CTNND2: variants seen among roughly 807,000 people sequenced by gnomAD.
CTNND2 encodes the protein catenin delta 2, also known as catenin delta-2.
CTNND2 carries 22 observed loss-of-function variants against 144.4 expected under a neutral mutation model. The ratio of observed to expected loss-of-function variants is 0.15; its 90% CI spans 0.11 to 0.22. The LOEUF (loss-of-function observed/expected upper bound fraction) is 0.22, where lower values mean the gene tolerates loss of function less well. Ranked by LOEUF, CTNND2 falls within the 10% of genes least tolerant of loss-of-function variation. CTNND2 has a pLI of 1.00. For synonymous variants in CTNND2, 751 were observed against 695.6 expected (o/e 1.08, Z -1.25); for missense variants, 1,353 against 1,618.8 (o/e 0.84, Z 2.82).
At chr5:11,137,487 C>T (rs1034230630) in intron 12 of CTNND2, among the ~76,000 whole-genome samples, 6 of 152,108 alleles carry the variant, frequency 3.9e-5, no homozygotes, top group African/African-American at 1.4e-4. Flanking sequence ...CAAGGTTAAT[C>T]CTCATAAACT....
At chr5:11,118,396 T>G (rs1174066719) in intron 12 of CTNND2, among the ~76,000 whole-genome samples, 8 of 152,156 alleles carry the variant, frequency 5.3e-5, no homozygotes, top group African/African-American at 1.9e-4. Context: ...GATGACTTAG[T>G]GGGTGGTACA....
chr5:11,253,829 AAGGG>A (rs1743924040), intron 9 of CTNND2, among the ~76,000 whole-genome samples: 1 of 152,202 alleles, frequency 6.6e-6, no homozygotes, highest in Non-Finnish European at 1.5e-5. Context: ...AATCTCCCAA[AAGGG>A]AGTTGCTAAG....
chr5:11,551,432 C>CTTTTTTTTTTTTTTTTTTT (rs70949326), intron 3 of CTNND2, among the ~76,000 whole-genome samples: 1 of 100,920 alleles, frequency 9.9e-6, no homozygotes, highest in African/African-American at 3.6e-5. Context: ...TTTCTTTTTT[C>CTTTTTTTTTTTTTTTTTTT]TTTTTTTTTT....
chr5:11,643,219 TTTA>T (rs1782159877), intron 2 of CTNND2, among the ~76,000 whole-genome samples: 1 of 150,414 alleles, frequency 6.6e-6, no homozygotes, highest in South Asian at 2.1e-4. Context: ...TATTTTATTT[TTTA>T]TTTTTGTTTT....
chr5:11,335,852 A>C (rs1753676981), intron 9 of CTNND2, among the ~76,000 whole-genome samples: 1 of 152,118 alleles, frequency 6.6e-6, no homozygotes, highest in South Asian at 2.1e-4. Context: ...TTGTGGGCCA[A>C]GTCTTTGTTT....
intron 2 of CTNND2, among the ~76,000 whole-genome samples, chr5:11,613,706 C>G (rs1780444347): frequency 6.6e-6 from 1 of 152,204 alleles, no homozygotes; most frequent in South Asian, 2.1e-4. Context: ...AAAGTCTCAG[C>G]TCTTGGGTCA....
Position 11,651,153 on chromosome 5 carries a change from ACT to A in CTNND2, c.174+80981_174+80982del, listed in dbSNP as rs368822624. 2.6e-3 allele frequency among the ~76,000 whole-genome samples: 402 copies of A among 152,092 alleles called. 3 individuals are homozygous for A. The highest frequency in any genetic ancestry group is 6.8e-3 in the Middle Eastern group (2 of 292). On this transcript the variant is annotated intron_variant, in intron 2 of 21. Coordinates refer to ENST00000304623, the MANE Select transcript of CTNND2 (RefSeq NM_001332.4). ...TTTAAGGCAGGCCCAGGGCCCCACCACTCTGTGCGACCTCAGGACACTGCTCC... is the reference window on the plus strand; with the variant it reads ...TTTAAGGCAGGCCCAGGGCCCCACCACTGTGCGACCTCAGGACACTGCTCC...
intron 6 of CTNND2, among the ~76,000 whole-genome samples, chr5:11,394,188 T>C (rs1400082523): frequency 1.3e-5 from 2 of 152,242 alleles, no homozygotes; most frequent in South Asian, 4.1e-4. Flanking sequence ...CACTTTCTAA[T>C]GTACTGTGCA....
At chr5:11,138,202 A>G (rs1756350953) in intron 12 of CTNND2, among the ~76,000 whole-genome samples, 1 of 152,086 alleles carries the variant, frequency 6.6e-6, no homozygotes, top group African/African-American at 2.4e-5. Flanking sequence ...GTGATCTCTC[A>G]TTCTGCTGCA....
chr5:11,400,855 G>C (rs1253168074), intron 5 of CTNND2, among the ~76,000 whole-genome samples: 1 of 152,236 alleles, frequency 6.6e-6, no homozygotes, highest in Non-Finnish European at 1.5e-5. Context: ...ATGGTAACAT[G>C]AAGAGGCTTG....
intron 1 of CTNND2, among the ~76,000 whole-genome samples, chr5:11,833,225 G>A (rs972533625): frequency 6.6e-6 from 1 of 152,086 alleles, no homozygotes; most frequent in African/African-American, 2.4e-5. Flanking sequence ...TGAAAACAAT[G>A]TCAAAGTCCA....
chr5:11,534,345 G>A (rs1345131941), intron 3 of CTNND2, among the ~76,000 whole-genome samples: 3 of 152,174 alleles, frequency 2.0e-5, no homozygotes, highest in Non-Finnish European at 4.4e-5. Flanking sequence ...CCAGGTGACA[G>A]TGGCTCACAC....
chr5:11,832,844 G>A (rs1355057818), intron 1 of CTNND2, among the ~76,000 whole-genome samples: 1 of 152,182 alleles, frequency 6.6e-6, no homozygotes, highest in African/African-American at 2.4e-5. Flanking sequence ...AGGAGGCTGA[G>A]GCAGGAGGAC....
chr5:11,154,265 G>A (rs969026554), intron 12 of CTNND2, among the ~76,000 whole-genome samples: 12 of 152,278 alleles, frequency 7.9e-5, no homozygotes, highest in Non-Finnish European at 1.6e-4. Flanking sequence ...AAAAGGAAAG[G>A]TTGGCTCATA....
At chr5:11,863,914 A>G (rs556627452) in intron 1 of CTNND2, among the ~76,000 whole-genome samples, 2 of 152,364 alleles carry the variant, frequency 1.3e-5, no homozygotes, top group Non-Finnish European at 2.9e-5. Context: ...CAGCAGAAGT[A>G]CACCTAGGAC....
At chr5:11,842,307 C>T (rs1344864931) in intron 1 of CTNND2, among the ~76,000 whole-genome samples, 1 of 152,042 alleles carries the variant, frequency 6.6e-6, no homozygotes, top group African/African-American at 2.4e-5. Flanking sequence ...GCTTGATGGG[C>T]TGAATATAGT....
intron 3 of CTNND2, among the ~76,000 whole-genome samples, chr5:11,470,981 T>TATATATATATATATATATATA (rs58435800): frequency 7.0e-4 from 45 of 64,006 alleles, no homozygotes; most frequent in African/African-American, 1.0e-3. Context: ...TATATATATA[T>TATATATATATATATATATATA]TTTTTTTTTT....
chr5:11,647,635 C>T (rs542803432), intron 2 of CTNND2, among the ~76,000 whole-genome samples: 2 of 152,036 alleles, frequency 1.3e-5, no homozygotes, highest in African/African-American at 2.4e-5. Context: ...AATGTTCTCA[C>T]AAACAATTCC....
intron 2 of CTNND2, among the ~76,000 whole-genome samples, chr5:11,613,120 T>A (rs918336395): frequency 8.5e-5 from 13 of 152,178 alleles, no homozygotes; most frequent in Admixed American, 7.2e-4. Context: ...TTTGTGACAT[T>A]TTCTAAGAAG....
Sources: gnomAD v4.1 joint callset for allele counts (sites outside exome capture counted in the v4.1 genomes callset) on GRCh38, gnomAD v4.1.1 for gene constraint, MANE v1.5 for transcripts, NCBI Gene and HGNC (gene_info 2026-07-23, HGNC 2026-07-21) for gene names.